The following WDFY4 variants were observed in gnomAD, a reference collection of about 807,000 sequenced individuals.
The protein encoded by WDFY4 is WD repeat- and FYVE domain-containing protein 4.
WDFY4 carries 169 observed loss-of-function variants against 351.9 expected under a neutral mutation model. The observed-to-expected ratio is 0.48, with a 90% CI of 0.42 to 0.55. WDFY4 has a LOEUF of 0.55. Among genes scored for constraint, WDFY4 ranks in the 20% least tolerant of loss-of-function variants. WDFY4 has a pLI of 0.00. For synonymous variants in WDFY4, 1,622 were observed against 1,574.6 expected (o/e 1.03, Z -0.71); for missense variants, 3,803 against 3,935.6 (o/e 0.97, Z 0.90).
chr10:48,847,290 T>G (rs186846306), intron 39 of WDFY4, among the ~76,000 whole-genome samples: 2 of 152,290 alleles, frequency 1.3e-5, no homozygotes, highest in African/African-American at 4.8e-5. Flanking sequence ...TCCTAATGGC[T>G]TCACTTTAAC....
chr10:48,804,797 T>G (rs1207991958), intron 25 of WDFY4: 2 of 984,132 alleles, frequency 2.0e-6, no homozygotes, highest in Non-Finnish European at 2.4e-6. Context: ...ATAGGTGGAT[T>G]CTGTCTTTTT....
At chr10:48,952,740 C>T (rs1841388578) in intron 51 of WDFY4, among the ~76,000 whole-genome samples, 1 of 152,100 alleles carries the variant, frequency 6.6e-6, no homozygotes, top group Non-Finnish European at 1.5e-5. Flanking sequence ...AAAGAGCCAC[C>T]ACCTACAGGA....
intron 36 of WDFY4, 32 bp from the exon 37 acceptor site, chr10:48,828,746 T>G: frequency 7.6e-7 from 1 of 1,318,038 alleles, no homozygotes; most frequent in Non-Finnish European, 1.0e-6. Flanking sequence ...TGGAATTTAT[T>G]GGATTTTAGT....
intron 47 of WDFY4, among the ~76,000 whole-genome samples, chr10:48,920,728 C>T (rs1838996830): frequency 6.6e-6 from 1 of 152,118 alleles, no homozygotes; most frequent in South Asian, 2.1e-4. Context: ...TGTTCTTATG[C>T]ACAGATGTCA....
In WDFY4 at chr10:48,811,407, G is replaced by A. The variant is rs1030232641; in HGVS notation, c.5045-132G>A. 13 of 749,026 alleles carry A rather than the reference G, an allele frequency of 1.7e-5. No individual in the cohort carries two copies. The African/African-American group carries it at 2.1e-4, about 12-fold the overall frequency. The allele number at this position is 749,026 out of a possible 1,614,324, so 46.4% of individuals were successfully genotyped here. On this transcript the variant is annotated intron_variant, in intron 29 of 61. Coordinates refer to ENST00000325239, the MANE Select transcript of WDFY4 (RefSeq NM_001394531.1). ...AGTGCCTTTTTGCTCCCATCTATGT[G>A]TGAATATATTTTATCATCCAGCATT...
intron 14 of WDFY4, among the ~76,000 whole-genome samples, chr10:48,775,127 A>G (rs2683611): frequency 0.89 from 134,715 of 152,220 alleles, 60,270 homozygotes; most frequent in East Asian, 1. Context: ...GTCAGCCTCT[A>G]CATGAAGCCA....
At chr10:48,934,595 T>C (rs1180609371) in intron 47 of WDFY4, among the ~76,000 whole-genome samples, 1 of 152,220 alleles carries the variant, frequency 6.6e-6, no homozygotes, top group Non-Finnish European at 1.5e-5. Flanking sequence ...AACCACTTAT[T>C]AGTGGGTTCT....
At chr10:48,781,419 C>A (rs189736596) in intron 19 of WDFY4, among the ~76,000 whole-genome samples, 6 of 152,226 alleles carry the variant, frequency 3.9e-5, no homozygotes, top group African/African-American at 1.4e-4. Context: ...TTCTCAACCT[C>A]CTGACTAGGT....
intron 12 of WDFY4, among the ~76,000 whole-genome samples, chr10:48,757,652 T>C (rs77639780): frequency 6.6e-6 from 1 of 151,986 alleles, no homozygotes; most frequent in Non-Finnish European, 1.5e-5. Flanking sequence ...TTTTTTACTC[T>C]TTTTTTGTTC....
chr10:48,812,509 T>C (rs1330771753), intron 30 of WDFY4, among the ~76,000 whole-genome samples: 1 of 152,058 alleles, frequency 6.6e-6, no homozygotes, highest in African/African-American at 2.4e-5. Context: ...CCTTTTGTAT[T>C]TTCAGTTTTT....
At chr10:48,924,317 C>G (rs750551228) in intron 47 of WDFY4, among the ~76,000 whole-genome samples, 2 of 152,224 alleles carry the variant, frequency 1.3e-5, no homozygotes, top group South Asian at 4.1e-4. Flanking sequence ...TGCCCAGTAC[C>G]ACTAGAAGCA....
chr10:48,960,677 G>T (rs7901979), intron 53 of WDFY4, among the ~76,000 whole-genome samples: 4,912 of 152,232 alleles, frequency 0.032, 287 homozygotes, highest in African/African-American at 0.11. Context: ...CCATCAGCTG[G>T]TGAACAGATA....
intron 39 of WDFY4, among the ~76,000 whole-genome samples, chr10:48,862,470 T>A (rs973660533): frequency 2.0e-5 from 3 of 152,144 alleles, no homozygotes; most frequent in Admixed American, 6.5e-5. Context: ...ATGCCAGGGA[T>A]CTAGGTTGTG....
At chr10:48,685,781 A>G (rs555734459) in intron 1 of WDFY4, among the ~76,000 whole-genome samples, 77 of 152,296 alleles carry the variant, frequency 5.1e-4, no homozygotes, top group African/African-American at 1.7e-3. Flanking sequence ...TAATTTTAAT[A>G]TGAGTTTATG....
At chr10:48,854,863 T>G (rs938359083) in intron 39 of WDFY4, among the ~76,000 whole-genome samples, 1 of 152,166 alleles carries the variant, frequency 6.6e-6, no homozygotes, top group Non-Finnish European at 1.5e-5. Flanking sequence ...GCATCCAAGG[T>G]CCCCTAAGAG....
intron 39 of WDFY4, among the ~76,000 whole-genome samples, chr10:48,864,925 C>CT (rs2069487933): frequency 6.6e-6 from 1 of 152,132 alleles, no homozygotes; most frequent in Non-Finnish European, 1.5e-5. Flanking sequence ...TACACTGAAA[C>CT]TTTGCTTAAT....
chr10:48,917,591 C>A (rs990110283), intron 47 of WDFY4, among the ~76,000 whole-genome samples: 13 of 152,188 alleles, frequency 8.5e-5, no homozygotes, highest in Non-Finnish European at 2.9e-5. Context: ...CTGGAAACAT[C>A]ATTTTTAAAG....
chr10:48,703,300 C>T (rs530377511), intron 1 of WDFY4, among the ~76,000 whole-genome samples: 1 of 152,290 alleles, frequency 6.6e-6, no homozygotes, highest in African/African-American at 2.4e-5. Context: ...GAGAGGAAAA[C>T]AGATCATTTA....
intron 24 of WDFY4, among the ~76,000 whole-genome samples, chr10:48,800,574 G>T (rs958185761): frequency 1.2e-4 from 18 of 152,102 alleles, no homozygotes; most frequent in African/African-American, 4.3e-4. Context: ...GAAGTTGTAA[G>T]ACAGAGTTGG....
Sources: gnomAD v4.1 joint callset for allele counts (sites outside exome capture counted in the v4.1 genomes callset) on GRCh38, gnomAD v4.1.1 for gene constraint, MANE v1.5 for transcripts, NCBI Gene and HGNC (gene_info 2026-07-23, HGNC 2026-07-21) for gene names.